LIPI: variants seen among roughly 807,000 people sequenced by gnomAD.
LIPI encodes the protein lipase I.
LIPI carries 59 observed loss-of-function variants against 50.6 expected under a neutral mutation model. That is an observed-to-expected ratio of 1.16 (90% CI 0.94 to 1.45). The LOEUF (loss-of-function observed/expected upper bound fraction) is 1.45, where lower values mean the gene tolerates loss of function less well. LIPI is among the 40% of genes most tolerant of loss of function. The pLI is 0.00. For synonymous variants in LIPI, 203 were observed against 178.2 expected, an observed-to-expected ratio of 1.14 and a Z score of -1.11; for missense variants, 586 against 536.3, an observed-to-expected ratio of 1.09 and a Z score of -0.92.
chr21:14,193,284 C>CA (rs1217831108), intron 1 of LIPI, among the ~76,000 whole-genome samples: 5 of 151,466 alleles, frequency 3.3e-5, no homozygotes, highest in Non-Finnish European at 7.4e-5. Flanking sequence ...ACGCTGCTAC[C>CA]AAAAAAATCA....
At chr21:14,116,085 TGGG>T (rs1036978477) in intron 9 of LIPI, among the ~76,000 whole-genome samples, 1 of 151,978 alleles carries the variant, frequency 6.6e-6, no homozygotes, top group Non-Finnish European at 1.5e-5. Flanking sequence ...TGAGGAGTCC[TGGG>T]GTAGGAGTGG....
chr21:14,195,164 C>T (rs535459127), intron 1 of LIPI, among the ~76,000 whole-genome samples: 125 of 152,028 alleles, frequency 8.2e-4, no homozygotes, highest in Non-Finnish European at 1.6e-3. Context: ...ATTTGAAAGG[C>T]AAAGTGTCAG....
chr21:14,157,172 A>G (rs1433695583), intron 7 of LIPI, among the ~76,000 whole-genome samples: 1 of 151,836 alleles, frequency 6.6e-6, no homozygotes, highest in Non-Finnish European at 1.5e-5. Context: ...TTGAGATGAA[A>G]CCGTTAAATT....
At chr21:14,161,516 TATAG>T (rs2018463906) in intron 7 of LIPI, among the ~76,000 whole-genome samples, 1 of 131,930 alleles carries the variant, frequency 7.6e-6, no homozygotes, top group African/African-American at 2.8e-5. Flanking sequence ...TATATAGATA[TATAG>T]ATATAGATAT....
intron 4 of LIPI, among the ~76,000 whole-genome samples, chr21:14,173,157 C>A (rs186566523): frequency 6.6e-6 from 1 of 152,162 alleles, no homozygotes; most frequent in East Asian, 1.9e-4. Flanking sequence ...TGTGCGAATA[C>A]GCTCGGCGAA....
chr21:14,158,903 C>T (rs1050796659), intron 7 of LIPI, among the ~76,000 whole-genome samples: 2 of 150,894 alleles, frequency 1.3e-5, no homozygotes, highest in African/African-American at 2.4e-5. Context: ...GGACCAATTC[C>T]CCAAAAACCA....
At chr21:14,206,797 G>C in intron 1 of LIPI, 1 of 1,398,292 alleles carries the variant, frequency 7.2e-7, no homozygotes, top group Non-Finnish European at 1.0e-6. Context: ...TGAAGAAAGT[G>C]AAGTTAAAAG....
intron 9 of LIPI, among the ~76,000 whole-genome samples, chr21:14,111,421 A>C (rs2016407878): frequency 6.6e-6 from 1 of 151,968 alleles, no homozygotes; most frequent in Admixed American, 6.6e-5. Flanking sequence ...TCCTTTGCCC[A>C]ATTTTTAATT....
intron 4 of LIPI, among the ~76,000 whole-genome samples, chr21:14,175,136 A>G (rs1049371172): frequency 6.6e-6 from 1 of 152,216 alleles, no homozygotes. Context: ...TGTTCAAACT[A>G]TGAACATTTT....
chr21:14,165,358 C>A lies in LIPI; in HGVS notation c.766G>T (p.Ala256Ser). The A allele has an allele frequency of 6.2e-7, 1 of 1,612,060 alleles. No individual in the cohort carries two copies. The highest frequency in any genetic ancestry group is 8.5e-7 in the Non-Finnish European group (1 of 1,178,806). The change falls in exon 6 of 10, where the codon GCA (alanine) becomes TCA (serine). Residue 256 changes from alanine to serine, a missense_variant. Physicochemically the swap from Ala to Ser is moderately conservative, Grantham distance 99. Coordinates refer to ENST00000681601, the MANE Select transcript of LIPI (RefSeq NM_001302998.2). ...IQFIKCNHQR[A>S]VHLFMASLET... ...AAAGATGCCATGAACAAGTGAACTG[C>A]TCTCTGGTGGTTGCATTTAATGAAT... is the stretch of plus-strand genomic sequence containing the variant.
chr21:14,188,913 T>C, intron 2 of LIPI, 121 bp downstream of exon 2: 1 of 877,150 alleles, frequency 1.1e-6, no homozygotes, highest in Non-Finnish European at 1.8e-6. Flanking sequence ...TTGTTAATGC[T>C]TATGGGGAAA....
At chr21:14,111,951 G>A (rs545546715) in intron 9 of LIPI, among the ~76,000 whole-genome samples, 1 of 151,906 alleles carries the variant, frequency 6.6e-6, no homozygotes, top group Non-Finnish European at 1.5e-5. Context: ...CCAATCACCC[G>A]AATAGTGAAT....
At chr21:14,161,007 A>T (rs1025909994) in intron 7 of LIPI, among the ~76,000 whole-genome samples, 1 of 151,350 alleles carries the variant, frequency 6.6e-6, no homozygotes, top group Non-Finnish European at 1.5e-5. Context: ...AAATTAGATC[A>T]CTTATATTTT....
chr21:14,185,994 T>C lies in LIPI; in HGVS notation c.508A>G (p.Lys170Glu), dbSNP rs1453572992. 1 of 1,595,610 alleles carries C rather than the reference T, an allele frequency of 6.3e-7. No individual in the cohort carries two copies. The highest frequency in any genetic ancestry group is 8.6e-7 in the Non-Finnish European group (1 of 1,163,614). ...CTTCCAAGTTGACCATGAAATATCT[T>C]TCCAACAAATCCACTGATATGAGCC... ...LGAHISGFVG[K>E]IFHGQLGRIT... Residue 170 changes from lysine (K) to glutamate (E), a missense_variant, in exon 3 of 10, where the codon AAG becomes GAG. Coordinates refer to ENST00000681601, the MANE Select transcript of LIPI (RefSeq NM_001302998.2).
chr21:14,121,252 A>G (rs752809320), intron 9 of LIPI, among the ~76,000 whole-genome samples: 3 of 152,224 alleles, frequency 2.0e-5, no homozygotes, highest in Non-Finnish European at 4.4e-5. Flanking sequence ...TGAAAACTGC[A>G]TACAGCCTAT....
At chr21:14,120,558 G>A (rs1249139613) in intron 9 of LIPI, among the ~76,000 whole-genome samples, 1 of 152,212 alleles carries the variant, frequency 6.6e-6, no homozygotes, top group Non-Finnish European at 1.5e-5. Flanking sequence ...AGGAAGTGAT[G>A]AGACTACAGG....
intron 1 of LIPI, among the ~76,000 whole-genome samples, chr21:14,189,665 G>C (rs1344538264): frequency 1.3e-5 from 2 of 152,100 alleles, no homozygotes; most frequent in Admixed American, 6.5e-5. Context: ...ATTTTTATCT[G>C]TACAAAATAT....
At chr21:14,142,306 G>A (rs186579191) in intron 9 of LIPI, among the ~76,000 whole-genome samples, 183 of 151,410 alleles carry the variant, frequency 1.2e-3, no homozygotes, top group Middle Eastern at 6.8e-3. Context: ...AAAACTTAAA[G>A]TATAATTAAA....
At chr21:14,129,516 C>A (rs1196770026) in intron 9 of LIPI, among the ~76,000 whole-genome samples, 1 of 151,804 alleles carries the variant, frequency 6.6e-6, no homozygotes, top group Non-Finnish European at 1.5e-5. Context: ...CCCAATTATA[C>A]AATTACCACC....
Sources: gnomAD v4.1 joint callset for allele counts (sites outside exome capture counted in the v4.1 genomes callset) on GRCh38, gnomAD v4.1.1 for gene constraint, MANE v1.5 for transcripts, NCBI Gene and HGNC (gene_info 2026-07-23, HGNC 2026-07-21) for gene names.